The following PRKX variants were observed in gnomAD, a reference collection of about 807,000 sequenced individuals.
PRKX encodes cAMP-dependent protein kinase catalytic subunit PRKX.
A neutral mutation model predicts 22.0 loss-of-function variants in PRKX; 12 were observed. The observed-to-expected ratio is 0.54, with a 90% confidence interval of 0.35 to 0.88. The LOEUF is 0.88. Among genes scored for constraint, PRKX ranks in the 40% least tolerant of loss-of-function variants. The pLI, the probability that PRKX is intolerant of heterozygous loss-of-function variation, is 0.01. For missense variants in PRKX, 217 were observed against 308.0 expected (o/e 0.70, Z 2.21); for synonymous variants, 134 against 137.7 (o/e 0.97, Z 0.19).
chrX:3,613,870 AAAAAAAAAAAGAAG>A (rs1471982232), intron 7 of PRKX, among the ~76,000 whole-genome samples: 2 of 103,455 alleles, frequency 1.9e-5, no homozygotes, highest in Admixed American at 1.1e-4. Flanking sequence ...AAAAAAAAAA[AAAAAAAAAAAGAAG>A]CGTATCATCC....
chrX:3,677,505 G>C (rs1927988390), intron 1 of PRKX, among the ~76,000 whole-genome samples: 1 of 108,307 alleles, frequency 9.2e-6, no homozygotes, highest in Admixed American at 1.0e-4. Flanking sequence ...TTTTTAAATT[G>C]TGACTGGGTA....
In PRKX at chrX:3,605,768, C is replaced by CA. The variant is rs1369665995; in HGVS notation, c.*3200dup. On this transcript the variant is annotated 3_prime_UTR_variant, in exon 9 of 9. Transcript: ENST00000262848. Reference sequence around the variant, plus strand: ...AGTGATTGTGCAGTTGTTTGATGGGCATGGAGAGGGAGTGGGGCTGAACTG... The same window carrying CA: ...AGTGATTGTGCAGTTGTTTGATGGGCAATGGAGAGGGAGTGGGGCTGAACTG... 1 of 112,060 alleles carries CA rather than the reference C, an allele frequency of 8.9e-6. No individual in the cohort carries two copies. Among genetic ancestry groups the CA allele is most frequent in the Non-Finnish European group, 1.9e-5 (1 of 53,222 alleles). The allele number at this position is 112,060 out of a possible 1,213,427, so 9.2% of individuals were successfully genotyped here.
chrX:3,633,404 A>T (rs1332008035), intron 4 of PRKX, among the ~76,000 whole-genome samples: 2 of 108,830 alleles, frequency 1.8e-5, no homozygotes, highest in African/African-American at 6.7e-5. Flanking sequence ...CTACAAAAAA[A>T]TTTTAAAAAA....
At chrX:3,650,319 A>G (rs1306008015) in intron 3 of PRKX, among the ~76,000 whole-genome samples, 2 of 102,543 alleles carry the variant, frequency 2.0e-5, no homozygotes, top group African/African-American at 3.6e-5. Flanking sequence ...CAGGAGATCG[A>G]GACCATCCTG....
At chrX:3,669,010 T>C (rs750750122) in intron 2 of PRKX, among the ~76,000 whole-genome samples, 32 of 112,428 alleles carry the variant, frequency 2.8e-4, no homozygotes, top group East Asian at 1.7e-3. Flanking sequence ...CCAGAGACAT[T>C]GCTCAGCACC....
chrX:3,654,441 T>C (rs2146583291), intron 3 of PRKX, among the ~76,000 whole-genome samples: 1 of 94,215 alleles, frequency 1.1e-5, no homozygotes, highest in South Asian at 5.2e-4. Flanking sequence ...CAGGTGTGTA[T>C]GGAATATTCA....
At chrX:3,612,748 C>G (rs6655027) in intron 7 of PRKX, among the ~76,000 whole-genome samples, 50,579 of 109,878 alleles carry the variant, frequency 0.46, 9,274 homozygotes, top group African/African-American at 0.68. Flanking sequence ...GATTGCACCA[C>G]TGCATTCCAG....
chrX:3,640,523 T>C (rs1259633519), intron 4 of PRKX, among the ~76,000 whole-genome samples: 2 of 112,038 alleles, frequency 1.8e-5, no homozygotes, highest in African/African-American at 3.2e-5. Flanking sequence ...CTCAGGCATA[T>C]GCTAGACTTG....
At chrX:3,679,323 C>T (rs1789215246) in intron 1 of PRKX, among the ~76,000 whole-genome samples, 2 of 112,156 alleles carry the variant, frequency 1.8e-5, no homozygotes, top group South Asian at 7.4e-4. Context: ...ATATCTGGCT[C>T]TCGATTTTTT....
At chrX:3,655,021 C>T in intron 3 of PRKX, 128 bp downstream of exon 3, 3 of 961,696 alleles carry the variant, frequency 3.1e-6, no homozygotes, top group Non-Finnish European at 4.3e-6. Context: ...TCCCTGGTTG[C>T]AAGTGTCTCC....
At chrX:3,631,502 G>A (rs958828013) in intron 4 of PRKX, among the ~76,000 whole-genome samples, 1 of 111,172 alleles carries the variant, frequency 9.0e-6, no homozygotes, top group Admixed American at 9.6e-5. Context: ...GCCTCCAGAG[G>A]GAACTGGATA....
chrX:3,671,284 G>A (rs1268337892), intron 2 of PRKX, among the ~76,000 whole-genome samples: 2 of 109,330 alleles, frequency 1.8e-5, no homozygotes, highest in Admixed American at 9.8e-5. Context: ...CTTAAGAGAC[G>A]AGATCTCACT....
At chrX:3,620,732 G>A (rs1194761950) in intron 6 of PRKX, among the ~76,000 whole-genome samples, 4 of 112,262 alleles carry the variant, frequency 3.6e-5, no homozygotes, top group East Asian at 2.8e-4. Flanking sequence ...GTCGGGGACC[G>A]CTGGCTTAGG....
intron 7 of PRKX, among the ~76,000 whole-genome samples, chrX:3,613,885 C>CAAAAAAAAAAAAAA: frequency 2.8e-5 from 2 of 70,538 alleles, no homozygotes; most frequent in Admixed American, 1.6e-4. Context: ...AAAAAAGAAG[C>CAAAAAAAAAAAAAA]GTATCATCCC....
chrX:3,697,375 TAGAA>T (rs1248037520), intron 1 of PRKX, among the ~76,000 whole-genome samples: 4 of 110,717 alleles, frequency 3.6e-5, no homozygotes, highest in African/African-American at 9.9e-5. Context: ...CTAAAAAAAA[TAGAA>T]AGAAGTCACT....
At chrX:3,677,069 A>C (rs1927973171) in intron 1 of PRKX, among the ~76,000 whole-genome samples, 1 of 111,298 alleles carries the variant, frequency 9.0e-6, no homozygotes, top group South Asian at 3.8e-4. Flanking sequence ...TACAATAGTC[A>C]AACTCATAGA....
chrX:3,620,656 G>C (rs1402890736), intron 6 of PRKX, among the ~76,000 whole-genome samples: 4 of 112,504 alleles, frequency 3.6e-5, no homozygotes, highest in African/African-American at 1.3e-4. Context: ...GCGCAACTAA[G>C]GGATTTAGGT....
intron 4 of PRKX, among the ~76,000 whole-genome samples, chrX:3,630,374 C>G (rs1309093806): frequency 9.0e-6 from 1 of 110,613 alleles, no homozygotes; most frequent in African/African-American, 3.3e-5. Context: ...TCCTGGCTAA[C>G]ACAGTGAAAC....
At position 3,713,550 on chromosome X, in the gene PRKX, G is replaced by C; in HGVS notation, c.-297C>G. 5.1e-6 allele frequency: 1 copy of C among 195,501 alleles called. No individual in the cohort carries two copies. Among genetic ancestry groups the C allele is most frequent in the Middle Eastern group, 1.6e-3 (1 of 610 alleles). 16.1% of individuals were successfully genotyped at this position (195,501 alleles called of 1,213,427 possible). A position where few individuals can be genotyped will look rare whatever the true frequency, so the allele number is the denominator to read the frequency against. On this transcript the variant is annotated 5_prime_UTR_variant, in exon 1 of 9. Coordinates refer to ENST00000262848, the MANE Select transcript of PRKX (RefSeq NM_005044.5). The stretch of plus-strand genomic sequence containing the variant: ...GGCGGGGGCCGCGGCCCGGGCTGGG[G>C]GGGGCGAGGCGGGGGCCCTGCGCAT...
Sources: gnomAD v4.1 joint callset for allele counts (sites outside exome capture counted in the v4.1 genomes callset) on GRCh38, gnomAD v4.1.1 for gene constraint, MANE v1.5 for transcripts, NCBI Gene and HGNC (gene_info 2026-07-23, HGNC 2026-07-21) for gene names.